APOB: variants seen among roughly 807,000 people sequenced by gnomAD.
APOB encodes apolipoprotein B-100.
A neutral mutation model predicts 314.1 loss-of-function variants in APOB; 153 were observed. The observed-to-expected ratio is 0.49, with a 90% CI of 0.43 to 0.56. APOB has a LOEUF of 0.56. Among genes scored for constraint, APOB ranks in the 20% least tolerant of loss-of-function variants. APOB has a pLI of 0.00. For synonymous variants in APOB, 2,087 were observed against 2,036.4 expected, an observed-to-expected ratio of 1.02 and a Z score of -0.67; for missense variants, 5,430 against 5,350.7, an observed-to-expected ratio of 1.01 and a Z score of -0.46.
chr2:21,013,555 A>C, intron 24 of APOB, 22 bp from the exon 25 acceptor site: 1 of 1,613,774 alleles, frequency 6.2e-7, no homozygotes, highest in Non-Finnish European at 8.5e-7. Context: ...AACAAAGATA[A>C]CATCCCCACA....
chr2:21,023,402 G>A (rs1025913554), intron 17 of APOB, 123 bp downstream of exon 17: 9 of 1,151,954 alleles, frequency 7.8e-6, no homozygotes, highest in African/African-American at 4.6e-5. Context: ...AAATAATGAG[G>A]TGATTACAAT....
rs1558565720 is a variant in APOB at position 21,012,380 on chromosome 2, A to G, written c.4488T>C (p.Tyr1496=). ...IDGQFRVSSF[Y]AKGTYGLSCQ... The stretch of plus-strand genomic sequence containing the variant: ...AAGACAGGCCATATGTGCCTTTAGC[A>G]TAGAACGAAGAGACTCTGAACTGCC... The change falls in exon 26 of 29, where the codon TAT becomes TAC. Residue 1496 remains tyrosine, a synonymous_variant. Coordinates refer to ENST00000233242, the MANE Select transcript of APOB (RefSeq NM_000384.3). 1.5e-5 allele frequency: 25 copies of G among 1,614,208 alleles called. No individual in the cohort carries two copies. The Middle Eastern group carries it at 6.6e-4, about 43-fold the overall frequency.
At position 21,002,735 on chromosome 2, in the gene APOB, G is replaced by A; in HGVS notation, c.12687C>T (p.Ser4229=). Residue 4229 remains serine, a synonymous_variant, in exon 29 of 29, where the codon TCC becomes TCT. Coordinates refer to ENST00000233242, the MANE Select transcript of APOB (RefSeq NM_000384.3). The part of the protein sequence containing the change: ...MFIREVGTVL[S]QVYSKVHNGS... ...CATTATGGACTTTCGAATATACCTG[G>A]GACAGTACCGTCCCTACCTCCCTTA... The A allele has an allele frequency of 6.2e-7, 1 of 1,612,346 alleles. No individual in the cohort carries two copies. Among genetic ancestry groups the A allele is most frequent in the Non-Finnish European group, 8.5e-7 (1 of 1,179,030 alleles).
chr2:21,014,374 G>A (rs1663412868), intron 24 of APOB, 74 bp downstream of exon 24: 2 of 1,555,274 alleles, frequency 1.3e-6, no homozygotes, highest in African/African-American at 2.7e-5. Flanking sequence ...TTAAAAAAAT[G>A]TCTAAATCAT....
At chr2:21,003,574 C>G (rs1663055063) in intron 28 of APOB, among the ~76,000 whole-genome samples, 1 of 152,098 alleles carries the variant, frequency 6.6e-6, no homozygotes, top group Non-Finnish European at 1.5e-5. Context: ...TGCTGTTTGT[C>G]ATTTACATTG....
chr2:21,042,283 C>A lies in APOB; in HGVS notation c.237+78G>T. On this transcript the variant is annotated intron_variant, in intron 3 of 28. Coordinates refer to ENST00000233242, the MANE Select transcript of APOB (RefSeq NM_000384.3). ...CTCAGTACACACCCTCCGGGAAGGT[C>A]GCGTGTTGGGCGCCCGCTGGAACAG... 2.8e-6 allele frequency: 3 copies of A among 1,057,718 alleles called. No homozygotes were observed. In the South Asian group the frequency reaches 3.8e-5, roughly 13 times the overall value. 65.5% of individuals were successfully genotyped at this position (1,057,718 alleles called of 1,614,324 possible). A position where few individuals can be genotyped will look rare whatever the true frequency, so the allele number is the denominator to read the frequency against.
In APOB at chr2:21,012,628, G is replaced by A. The variant is rs1372227367; in HGVS notation, c.4240C>T (p.His1414Tyr). 2 of 1,612,656 alleles carry A rather than the reference G, an allele frequency of 1.2e-6. No homozygotes were observed. The highest frequency in any genetic ancestry group is 1.7e-6 in the Non-Finnish European group (2 of 1,179,516). Residue 1414 changes from histidine (H) to tyrosine (Y), a missense_variant, in exon 26 of 29, where the codon CAC becomes TAC. Around this residue, in one of 3 missense-constraint regions of APOB, gnomAD observed 2,085 missense variants for 2,079.7 expected, o/e 1.00. Coordinates refer to ENST00000233242, the MANE Select transcript of APOB (RefSeq NM_000384.3). ...CATGATAGTGTGAACGTATTCTTGTGGTCATATGTTGTTTCTCCAGATCCT... is the reference window on the plus strand; with the variant it reads ...CATGATAGTGTGAACGTATTCTTGTAGTCATATGTTGTTTCTCCAGATCCT... ...VQGSGETTYD[H>Y]KNTFTLSCDG...
Position 21,029,740 on chromosome 2 carries a change from G to A in APOB, c.1516C>T (p.Leu506Phe). 2 of 1,614,202 alleles carry A rather than the reference G, an allele frequency of 1.2e-6. No homozygotes were observed. Among genetic ancestry groups the A allele is most frequent in the Non-Finnish European group, 1.7e-6 (2 of 1,180,038 alleles). The change falls in exon 12 of 29, where the codon CTC (leucine) becomes TTC (phenylalanine). Residue 506 changes from leucine to phenylalanine, a missense_variant. By Grantham distance (22) the Leu-to-Phe change is conservative. Coordinates refer to ENST00000233242, the MANE Select transcript of APOB (RefSeq NM_000384.3). ...ACACATTTCAGGATTGAAGACTTGAGTTCTGGAGTTAACTGCTCCATGGTT... is the reference window on the plus strand; with the variant it reads ...ACACATTTCAGGATTGAAGACTTGAATTCTGGAGTTAACTGCTCCATGGTT... ...GQTMEQLTPELKSSILKCVQS... is the reference protein window; with the variant it reads ...GQTMEQLTPEFKSSILKCVQS...
At position 21,010,070 on chromosome 2, in the gene APOB, C is replaced by T. The variant is rs762520007; in HGVS notation, c.6798G>A (p.Leu2266=). The part of the protein sequence containing the change: ...YQIRIQIQEK[L]QQLKRHIQNI... ...TCTGTATGTGTCTCTTAAGCTGCTG[C>T]AGTTTTTCTTGTATCTGGATTCTGA... The change falls in exon 26 of 29, where the codon CTG becomes CTA. Residue 2266 remains leucine, a synonymous_variant. Coordinates refer to ENST00000233242, the MANE Select transcript of APOB (RefSeq NM_000384.3). 6.2e-7 allele frequency: 1 copy of T among 1,613,374 alleles called. No homozygotes were observed. Among genetic ancestry groups the T allele is most frequent in the East Asian group, 2.2e-5 (1 of 44,854 alleles).
In APOB at chr2:21,011,852, A is replaced by T; in HGVS notation, c.5016T>A (p.Asn1672Lys). The change falls in exon 26 of 29, where the codon AAT becomes AAA. Residue 1672 changes from asparagine (N) to lysine (K), a missense_variant. Around this residue, in one of 3 missense-constraint regions of APOB, gnomAD observed 2,085 missense variants for 2,079.7 expected, o/e 1.00. Coordinates refer to ENST00000233242, the MANE Select transcript of APOB (RefSeq NM_000384.3). ...CSLLVLENEL[N>K]AELGLSGASM... Reference sequence around the variant, plus strand: ...ATGCCCCAGAGAGGCCAAGCTCTGCATTCAGCTCATTCTCCAGCACCAGGA... The same window carrying T: ...ATGCCCCAGAGAGGCCAAGCTCTGCTTTCAGCTCATTCTCCAGCACCAGGA... The T allele has an allele frequency of 6.2e-7, 1 of 1,613,756 alleles. No individual in the cohort carries two copies. The highest frequency in any genetic ancestry group is 2.2e-5 in the East Asian group (1 of 44,874).
In APOB at chr2:21,006,845, G is replaced by A. The variant is rs906591460; in HGVS notation, c.10023C>T (p.Phe3341=). The change falls in exon 26 of 29, where the codon TTC becomes TTT. Residue 3341 remains phenylalanine, a synonymous_variant. Transcript: ENST00000233242. ...GTGTGATGACACTTGATTTAAAGGA[G>A]AAATCATAGGTAATATTGCCCATGG... The part of the protein sequence containing the change: ...IPAMGNITYD[F]SFKSSVITLN... The A allele has an allele frequency of 6.2e-6, 10 of 1,613,882 alleles. No individual in the cohort carries two copies. The highest frequency in any genetic ancestry group is 1.7e-5 in the Admixed American group (1 of 59,994).
Position 21,003,139 on chromosome 2 carries a change from G to T in APOB, c.12283C>A (p.Leu4095Ile). 1 of 1,612,962 alleles carries T rather than the reference G, an allele frequency of 6.2e-7. No individual in the cohort carries two copies. The highest frequency in any genetic ancestry group is 8.5e-7 in the Non-Finnish European group (1 of 1,179,174). Residue 4095 changes from leucine to isoleucine, a missense_variant, in exon 29 of 29, where the codon CTC (leucine) becomes ATC (isoleucine). Physicochemically the swap from Leu to Ile is conservative, Grantham distance 5 (BLOSUM62 2). Around this residue, in one of 3 missense-constraint regions of APOB, gnomAD observed 3,281 missense variants for 3,171.0 expected, o/e 1.03. Transcript: ENST00000233242. ...TTTGAAGACACTTCTCTCAGGGTGA[G>T]CCCTGTGTGTTCCCAGTGGTACTTG... ...VNKYHWEHTG[L>I]TLREVSSKLR...
chr2:21,042,648 T>C (rs1307729685), intron 2 of APOB, among the ~76,000 whole-genome samples, 172 bp from the exon 3 acceptor site: 1 of 152,104 alleles, frequency 6.6e-6, no homozygotes, highest in Admixed American at 6.5e-5. Context: ...ACTTCTCCAT[T>C]ATGTTTTTGC....
At position 21,004,434 on chromosome 2, in the gene APOB, C is replaced by A; in HGVS notation, c.11922G>T (p.Ala3974=). ...ACGCTGGGCTTTTGATATTGAGGTG[C>A]GCTTTTCCTTCCCATTCCCTGAAAG... ...YEGLQEWEGK[A]HLNIKSPAFT... is the part of the protein sequence containing the mutation. Residue 3974 remains alanine (A), a synonymous_variant, in exon 28 of 29, where the codon GCG becomes GCT. Coordinates refer to ENST00000233242, the MANE Select transcript of APOB (RefSeq NM_000384.3). The A allele has an allele frequency of 2.5e-6, 4 of 1,613,954 alleles. No individual in the cohort carries two copies. The highest frequency in any genetic ancestry group is 3.4e-6 in the Non-Finnish European group (4 of 1,179,922).
Position 21,006,056 on chromosome 2 carries a change from T to C in APOB, c.10812A>G (p.Ala3604=). 6.2e-7 allele frequency: 1 copy of C among 1,614,040 alleles called. No individual in the cohort carries two copies. Among genetic ancestry groups the C allele is most frequent in the Non-Finnish European group, 8.5e-7 (1 of 1,179,962 alleles). The change falls in exon 26 of 29, where the codon GCA becomes GCG. Residue 3604 remains alanine, a synonymous_variant. Coordinates refer to ENST00000233242, the MANE Select transcript of APOB (RefSeq NM_000384.3). Reference sequence around the variant, plus strand: ...AATCATGGAAGGAACTGGGCTGACTTGCATGGACCTGAACAAGAGCTGACA... The same window carrying C: ...AATCATGGAAGGAACTGGGCTGACTCGCATGGACCTGAACAAGAGCTGACA... ...WQMSALVQVH[A]SQPSSFHDFP...
chr2:21,037,992 G>C lies in APOB; in HGVS notation c.503C>G (p.Pro168Arg). 6.2e-7 allele frequency: 1 copy of C among 1,614,144 alleles called. No homozygotes were observed. Among genetic ancestry groups the C allele is most frequent in the Non-Finnish European group, 8.5e-7 (1 of 1,180,024 alleles). Residue 168 changes from proline (P) to arginine (R), a missense_variant, in exon 5 of 29, where the codon CCA (proline) becomes CGA (arginine). This residue lies in a region of APOB where 2,085 missense variants were observed against 2,079.7 expected (regional missense o/e 1.00). Coordinates refer to ENST00000233242, the MANE Select transcript of APOB (RefSeq NM_000384.3). ...CACTTGCTTGGCTTCTTCTGTCTCTGGGGGAACCAGGAGGGCAGAAATGAT... is the reference window on the plus strand; with the variant it reads ...CACTTGCTTGGCTTCTTCTGTCTCTCGGGGAACCAGGAGGGCAGAAATGAT... ...RGIISALLVP[P>R]ETEEAKQVLF...
Position 21,007,366 on chromosome 2 carries a change from A to T in APOB, c.9502T>A (p.Ser3168Thr), listed in dbSNP as rs761382742. 3 of 1,614,004 alleles carry T rather than the reference A, an allele frequency of 1.9e-6. No individual in the cohort carries two copies. Residue 3168 changes from serine (S) to threonine (T), a missense_variant, in exon 26 of 29, where the codon TCA (serine) becomes ACA (threonine). Coordinates refer to ENST00000233242, the MANE Select transcript of APOB (RefSeq NM_000384.3). ...TGAGCTTTTACACTTAAATCAAATG[A>T]TTGCTTTGTCGTTTTCAAGAATTCC... is the stretch of plus-strand genomic sequence containing the variant. ...LKEFLKTTKQ[S>T]FDLSVKAQYK...
rs768822240 is a variant in APOB, at chr2:21,005,427, G to T, written c.11441C>A (p.Thr3814Asn). ...CACAGTTAACTGAGATTCAGGCACG[G>T]TTATCTCAAAAAAGGGAATCAAGGA... ...EDSLIPFFEI[T>N]VPESQLTVSQ... is the part of the protein sequence containing the mutation. Residue 3814 changes from threonine to asparagine, a missense_variant, in exon 26 of 29, where the codon ACC (threonine) becomes AAC (asparagine). Transcript: ENST00000233242. 4 of 1,613,980 alleles carry T rather than the reference G, an allele frequency of 2.5e-6. No homozygotes were observed. In the South Asian group the frequency reaches 3.3e-5, roughly 13 times the overall value.
chr2:21,007,662 T>C lies in APOB; in HGVS notation c.9206A>G (p.Asp3069Gly). ...RFPLRLTGKI[D>G]FLNNYALFLS... ...AAACAGTGCATAGTTATTCAGGAAG[T>C]CTATCTTCCCTGTTAACCTTAATGG... Residue 3069 changes from aspartate (D) to glycine (G), a missense_variant, in exon 26 of 29, where the codon GAC (aspartate) becomes GGC (glycine). Transcript: ENST00000233242. The C allele has an allele frequency of 6.2e-7, 1 of 1,614,100 alleles. No homozygotes were observed. The highest frequency in any genetic ancestry group is 8.5e-7 in the Non-Finnish European group (1 of 1,179,948).
Sources: allele counts gnomAD v4.1 joint callset (sites outside exome capture counted in the v4.1 genomes callset), GRCh38; gene constraint gnomAD v4.1.1; regional missense constraint gnomAD v4.1.1; transcripts MANE v1.5; gene names NCBI Gene and HGNC (gene_info 2026-07-23, HGNC 2026-07-21).